The following SEPTIN10 variants were observed in gnomAD, a reference collection of about 807,000 sequenced individuals.
SEPTIN10 encodes the protein septin 10, also known as septin-10.
Under a neutral mutation model 54.8 loss-of-function variants are expected in SEPTIN10, and 66 were observed. The ratio of observed to expected loss-of-function variants is 1.21; its 90% CI spans 0.99 to 1.48. The LOEUF (loss-of-function observed/expected upper bound fraction) is 1.48, where lower values mean the gene tolerates loss of function less well. Among genes scored for constraint, SEPTIN10 ranks in the 40% most tolerant of loss-of-function variants. The pLI, the probability that SEPTIN10 is intolerant of heterozygous loss-of-function variation, is 0.00. For missense variants in SEPTIN10, 620 were observed against 545.6 expected, an observed-to-expected ratio of 1.14 and a Z score of -1.36; for synonymous variants, 161 against 181.0, an observed-to-expected ratio of 0.89 and a Z score of 0.89.
At chr2:109,583,410 G>T (rs991733627) in intron 4 of SEPTIN10, among the ~76,000 whole-genome samples, 1 of 152,166 alleles carries the variant, frequency 6.6e-6, no homozygotes, top group Non-Finnish European at 1.5e-5. Context: ...CTCATCATTA[G>T]AGAAATGCAA....
chr2:109,601,810 G>C (rs34441132), intron 1 of SEPTIN10, among the ~76,000 whole-genome samples: 26,187 of 150,950 alleles, frequency 0.17, 2,587 homozygotes, highest in African/African-American at 0.27. Flanking sequence ...ATGTCTTACA[G>C]ATTAAGTTTT....
intron 5 of SEPTIN10, among the ~76,000 whole-genome samples, chr2:109,568,558 T>C (rs1687618226): frequency 6.6e-6 from 1 of 152,122 alleles, no homozygotes; most frequent in Non-Finnish European, 1.5e-5. Flanking sequence ...CTTGTAAGAT[T>C]AATCTTTCAT....
At chr2:109,592,162 T>C (rs1054358019) in intron 2 of SEPTIN10, among the ~76,000 whole-genome samples, 19 of 151,866 alleles carry the variant, frequency 1.3e-4, no homozygotes, top group Non-Finnish European at 2.1e-4. Context: ...CATTCTGCAG[T>C]GTGCTCAAAA....
At chr2:109,596,663 G>A (rs1695388075) in intron 1 of SEPTIN10, among the ~76,000 whole-genome samples, 1 of 151,094 alleles carries the variant, frequency 6.6e-6, no homozygotes, top group Admixed American at 6.6e-5. Context: ...ATACTCATTT[G>A]CCATTAAACT....
chr2:109,569,933 G>A (rs371925219), intron 5 of SEPTIN10, among the ~76,000 whole-genome samples: 1 of 152,030 alleles, frequency 6.6e-6, no homozygotes, highest in Non-Finnish European at 1.5e-5. Flanking sequence ...GGCCTGGGGA[G>A]TGGCAAGATG....
chr2:109,598,831 G>A (rs1173862335), intron 1 of SEPTIN10, among the ~76,000 whole-genome samples: 1 of 151,730 alleles, frequency 6.6e-6, no homozygotes, highest in African/African-American at 2.4e-5. Flanking sequence ...AGTGAGCCCA[G>A]ATCACACCAC....
chr2:109,610,134 G>A (rs1404358845), intron 1 of SEPTIN10, among the ~76,000 whole-genome samples: 1 of 150,368 alleles, frequency 6.7e-6, no homozygotes, highest in Admixed American at 6.6e-5. Context: ...CTGTCGCCAG[G>A]CTGGAGTGCA....
At chr2:109,613,021 C>T in intron 1 of SEPTIN10, 1 of 512,462 alleles carries the variant, frequency 2.0e-6, no homozygotes, top group Non-Finnish European at 3.6e-6. Context: ...TGAAAACCAC[C>T]AATGTTTACT....
chr2:109,603,757 A>C (rs7573851), intron 1 of SEPTIN10, among the ~76,000 whole-genome samples: 1 of 152,202 alleles, frequency 6.6e-6, no homozygotes, highest in Non-Finnish European at 1.5e-5. Flanking sequence ...CAGAGACTTG[A>C]TGAAGAAACA....
chr2:109,550,230 C>T (rs1295871204), intron 9 of SEPTIN10, among the ~76,000 whole-genome samples: 1 of 151,280 alleles, frequency 6.6e-6, no homozygotes, highest in African/African-American at 2.4e-5. Context: ...GCCAAGGTTG[C>T]GGTAAGCTGA....
intron 4 of SEPTIN10, among the ~76,000 whole-genome samples, chr2:109,581,493 A>G (rs964011490): frequency 6.6e-6 from 1 of 151,960 alleles, no homozygotes; most frequent in African/African-American, 2.4e-5. Flanking sequence ...ATATATTAAT[A>G]AAGCTTATTT....
intron 1 of SEPTIN10, among the ~76,000 whole-genome samples, chr2:109,611,675 C>A (rs761688380): frequency 6.6e-6 from 1 of 152,012 alleles, no homozygotes; most frequent in Non-Finnish European, 1.5e-5. Flanking sequence ...GCAGGAGGAT[C>A]GCTTGAGCCC....
At chr2:109,545,327 T>C in intron 10 of SEPTIN10, 14 of 1,486,106 alleles carry the variant, frequency 9.4e-6, no homozygotes, top group East Asian at 2.5e-5. Flanking sequence ...AAGGAAATTA[T>C]CAAAAAGGAA....
intron 1 of SEPTIN10, among the ~76,000 whole-genome samples, chr2:109,609,046 T>TATCA (rs766974588): frequency 5.9e-5 from 9 of 152,178 alleles, no homozygotes; most frequent in Non-Finnish European, 1.2e-4. Flanking sequence ...GACCAAAATA[T>TATCA]ATCAATCAAT....
chr2:109,607,090 C>A (rs925562782), intron 1 of SEPTIN10, among the ~76,000 whole-genome samples: 1 of 152,180 alleles, frequency 6.6e-6, no homozygotes, highest in African/African-American at 2.4e-5. Flanking sequence ...AATCCATGGC[C>A]ATCGCTTCGT....
intron 1 of SEPTIN10, 95 bp downstream of exon 1, chr2:109,613,703 C>A: frequency 5.8e-6 from 5 of 865,060 alleles, no homozygotes; most frequent in Non-Finnish European, 7.6e-6. Context: ...GGGTCACAAT[C>A]CCGGGCCGGA....
chr2:109,585,627 T>C, intron 3 of SEPTIN10, 94 bp downstream of exon 3: 1 of 896,804 alleles, frequency 1.1e-6, no homozygotes. Context: ...TGATTTCAAA[T>C]TGATAACATG....
At chr2:109,613,317 A>C (rs1699684672) in intron 1 of SEPTIN10, 5 of 477,146 alleles carry the variant, frequency 1.0e-5, no homozygotes, top group Non-Finnish European at 1.7e-5. Flanking sequence ...ATCCCAATGG[A>C]GGAAAACTTG....
chr2:109,554,624 T>C (rs1223673739), intron 8 of SEPTIN10, among the ~76,000 whole-genome samples: 1 of 152,178 alleles, frequency 6.6e-6, no homozygotes. Flanking sequence ...AGGGAGAATA[T>C]GCCAACTCCA....
Sources: gnomAD v4.1 joint callset for allele counts (sites outside exome capture counted in the v4.1 genomes callset) on GRCh38, gnomAD v4.1.1 for gene constraint, MANE v1.5 for transcripts, NCBI Gene and HGNC (gene_info 2026-07-23, HGNC 2026-07-21) for gene names.